Variants in PCDH11X observed in about 807,000 individuals in gnomAD.
PCDH11X encodes the protein protocadherin-11 X-linked.
PCDH11X carries 18 observed loss-of-function variants against 53.3 expected under a neutral mutation model. The ratio of observed to expected loss-of-function variants is 0.34; its 90% CI spans 0.23 to 0.50. The LOEUF (loss-of-function observed/expected upper bound fraction) is 0.50. PCDH11X is among the 20% of genes least tolerant of loss of function. The pLI is 0.98. For missense variants in PCDH11X, 570 were observed against 1,032.4 expected (o/e 0.55, Z 6.14); for synonymous variants, 279 against 393.3 (o/e 0.71, Z 3.44).
At chrX:92,283,307 G>A (rs967189186) in intron 8 of PCDH11X, among the ~76,000 whole-genome samples, 6 of 111,145 alleles carry the variant, frequency 5.4e-5, no homozygotes, top group African/African-American at 6.5e-5. Flanking sequence ...GAAAGACTAT[G>A]TTAATAAGGA....
chrX:92,319,760 C>T (rs35788483), intron 8 of PCDH11X, among the ~76,000 whole-genome samples: 5 of 111,495 alleles, frequency 4.5e-5, no homozygotes, highest in East Asian at 2.8e-4. Context: ...AGTGCTTACA[C>T]GTGGCCTGGC....
intron 7 of PCDH11X, among the ~76,000 whole-genome samples, chrX:92,261,254 C>T (rs1313811647): frequency 1.8e-5 from 2 of 111,203 alleles, no homozygotes; most frequent in South Asian, 3.8e-4. Flanking sequence ...TAAAGACTAT[C>T]GTTTTAATAT....
intron 6 of PCDH11X, among the ~76,000 whole-genome samples, chrX:92,101,305 C>G (rs1462279815): frequency 9.0e-6 from 1 of 111,215 alleles, no homozygotes; most frequent in Admixed American, 9.6e-5. Context: ...AATGAGACTG[C>G]GGCCTAATAA....
chrX:92,368,964 G>A (rs994842121), intron 8 of PCDH11X, among the ~76,000 whole-genome samples: 6 of 104,008 alleles, frequency 5.8e-5, no homozygotes, highest in African/African-American at 1.4e-4. Context: ...TCCCAGTCAG[G>A]AGGCACTGGG....
At chrX:92,223,733 T>C (rs890000780) in intron 7 of PCDH11X, among the ~76,000 whole-genome samples, 1 of 111,880 alleles carries the variant, frequency 8.9e-6, no homozygotes, top group Admixed American at 9.5e-5. Flanking sequence ...CAATAATAAT[T>C]AGATTTATTT....
chrX:92,414,152 A>G (rs1469789712), intron 9 of PCDH11X, among the ~76,000 whole-genome samples: 16 of 102,721 alleles, frequency 1.6e-4, no homozygotes, highest in African/African-American at 5.4e-4. Flanking sequence ...AAGAAAGCCT[A>G]TTGGTGGTTA....
At chrX:92,128,743 A>C (rs989235165) in intron 6 of PCDH11X, among the ~76,000 whole-genome samples, 2 of 110,513 alleles carry the variant, frequency 1.8e-5, no homozygotes, top group African/African-American at 3.3e-5. Context: ...TCAGAAAATA[A>C]TTTTTTACAA....
intron 6 of PCDH11X, among the ~76,000 whole-genome samples, chrX:92,041,371 C>T (rs553642625): frequency 8.1e-5 from 9 of 111,488 alleles, no homozygotes; most frequent in South Asian, 3.7e-4. Flanking sequence ...TATTATTCTA[C>T]GGTAAGAGAG....
chrX:92,516,950 C>T (rs972279070), intron 10 of PCDH11X, among the ~76,000 whole-genome samples: 2 of 112,115 alleles, frequency 1.8e-5, no homozygotes, highest in Non-Finnish European at 3.8e-5. Flanking sequence ...ATGATAGGCA[C>T]GACTGGGTGT....
intron 7 of PCDH11X, among the ~76,000 whole-genome samples, chrX:92,212,602 G>A (rs1421607023): frequency 2.7e-5 from 3 of 111,608 alleles, no homozygotes; most frequent in East Asian, 2.8e-4. Flanking sequence ...CACCCGCCTC[G>A]GCCTCCCAAA....
intron 6 of PCDH11X, among the ~76,000 whole-genome samples, chrX:92,077,503 T>C (rs1207643390): frequency 9.1e-6 from 1 of 110,044 alleles, no homozygotes. Flanking sequence ...TATATAACCA[T>C]ATAATACTGA....
chrX:92,282,680 A>G (rs987142139), intron 8 of PCDH11X, among the ~76,000 whole-genome samples: 3 of 111,670 alleles, frequency 2.7e-5, no homozygotes, highest in African/African-American at 9.7e-5. Context: ...ATAGCAGGTC[A>G]ATTTTGCTAT....
intron 9 of PCDH11X, among the ~76,000 whole-genome samples, chrX:92,435,638 T>TAAAC (rs1208696967): frequency 9.0e-6 from 1 of 111,443 alleles, no homozygotes; most frequent in Non-Finnish European, 1.9e-5. Context: ...TCAACATTCT[T>TAAAC]AAACAAACAA....
chrX:92,622,657 G>C lies in PCDH11X; in HGVS notation c.*3717G>C, dbSNP rs759457871. The C allele has an allele frequency of 7.2e-5, 8 of 110,879 alleles. No homozygotes were observed. The highest frequency in any genetic ancestry group is 2.6e-4 in the African/African-American group (8 of 30,671). The allele number at this position is 110,879 out of a possible 1,213,427, so 9.1% of individuals were successfully genotyped here. A position where few individuals can be genotyped will look rare whatever the true frequency, so the allele number is the denominator to read the frequency against. The stretch of plus-strand genomic sequence containing the variant: ...GGCTCAATTGGCCGGGAAAACATGG[G>C]AGCAAGAGAAGCTGAAATATATTTC... On this transcript the variant is annotated 3_prime_UTR_variant, in exon 11 of 11. Transcript: ENST00000682573.
At chrX:92,423,669 A>T (rs1297169705) in intron 9 of PCDH11X, among the ~76,000 whole-genome samples, 1 of 94,670 alleles carries the variant, frequency 1.1e-5, no homozygotes, top group Non-Finnish European at 2.3e-5. Flanking sequence ...TTTTTATAAA[A>T]AGTGAGAGAT....
At chrX:92,376,088 A>T (rs1344730964) in intron 8 of PCDH11X, among the ~76,000 whole-genome samples, 1 of 111,147 alleles carries the variant, frequency 9.0e-6, no homozygotes, top group Non-Finnish European at 1.9e-5. Context: ...TCTTTCCCCT[A>T]TTAGGTCTGA....
intron 6 of PCDH11X, among the ~76,000 whole-genome samples, chrX:92,181,582 G>C (rs1263280623): frequency 9.0e-6 from 1 of 111,550 alleles, no homozygotes; most frequent in African/African-American, 3.3e-5. Flanking sequence ...AGACCTAGGA[G>C]GAAAAATGGT....
intron 10 of PCDH11X, among the ~76,000 whole-genome samples, chrX:92,493,175 C>A (rs1211794898): frequency 9.0e-6 from 1 of 111,058 alleles, no homozygotes; most frequent in African/African-American, 3.3e-5. Flanking sequence ...ACAGATCACA[C>A]TGTATGAGAC....
intron 10 of PCDH11X, among the ~76,000 whole-genome samples, chrX:92,538,069 T>A (rs1602284189): frequency 9.8e-6 from 1 of 101,862 alleles, no homozygotes; most frequent in Middle Eastern, 5.2e-3. Context: ...CATACATATT[T>A]ATAATTGTTA....
Sources: gnomAD v4.1 joint callset for allele counts (sites outside exome capture counted in the v4.1 genomes callset) on GRCh38, gnomAD v4.1.1 for gene constraint, MANE v1.5 for transcripts, NCBI Gene and HGNC (gene_info 2026-07-23, HGNC 2026-07-21) for gene names.